PITPNM2: variants seen among roughly 807,000 people sequenced by gnomAD.
The protein encoded by PITPNM2 is membrane-associated phosphatidylinositol transfer protein 2.
In PITPNM2, 35 loss-of-function variants were observed where a neutral mutation model predicts 132.2. That is an observed-to-expected ratio of 0.26 (90% CI 0.20 to 0.35). PITPNM2 has a LOEUF of 0.35. PITPNM2 is among the 10% of genes least tolerant of loss of function. The pLI is 1.00. For missense variants in PITPNM2, 1,332 were observed against 1,912.0 expected, an observed-to-expected ratio of 0.70 and a Z score of 5.66; for synonymous variants, 738 against 799.2, an observed-to-expected ratio of 0.92 and a Z score of 1.29.
chr12:123,008,308 A>G lies in PITPNM2; in HGVS notation c.643+1542T>C, dbSNP rs1338796129. ...CCAGAGTGCCAGGAGCTGCAGCCTT[A>G]GTAGGTCTGCTGGGTGTCCTGTGCA... is the stretch of plus-strand genomic sequence containing the variant. On this transcript the variant is annotated intron_variant, in intron 6 of 25. Transcript: ENST00000320201. This position sits in a 1 kb window ranked among gnomAD's most constrained non-coding sequence, Gnocchi z 4.1. Among the ~76,000 whole-genome samples the G allele has an allele frequency of 6.6e-6, 1 of 152,178 alleles. No individual in the cohort carries two copies. Among genetic ancestry groups the G allele is most frequent in the Non-Finnish European group, 1.5e-5 (1 of 68,024 alleles).
At position 123,012,748 on chromosome 12, in the gene PITPNM2, A is replaced by G. The variant is rs779759575; in HGVS notation, c.294-14T>C. The G allele has an allele frequency of 1.2e-6, 2 of 1,613,560 alleles. No homozygotes were observed. The highest frequency in any genetic ancestry group is 1.7e-6 in the Non-Finnish European group (2 of 1,179,622). The stretch of plus-strand genomic sequence containing the variant: ...GGACAGGTGAACCTGTGCGGAAAGG[A>G]AAGCACTCATCAGGACCTGTCCTTG... On this transcript the variant is annotated splice_polypyrimidine_tract_variant and intron_variant, in intron 4 of 25. Transcript: ENST00000320201.
Position 123,058,064 on chromosome 12 carries a change from C to A in PITPNM2, c.-95-23379G>T, listed in dbSNP as rs527729572. Among the ~76,000 whole-genome samples, 4 of 152,354 alleles carry A rather than the reference C, an allele frequency of 2.6e-5. No homozygotes were observed. The highest frequency in any genetic ancestry group is 9.6e-5 in the African/African-American group (4 of 41,580). ...AGCAAAAAACAAACTATGCCTTCATCCCCTGACCTTTTACTCTTCAAAGTA... is the reference window on the plus strand; with the variant it reads ...AGCAAAAAACAAACTATGCCTTCATACCCTGACCTTTTACTCTTCAAAGTA... On this transcript the variant is annotated intron_variant, in intron 2 of 25. Transcript: ENST00000320201. The surrounding 1 kb of genome is among the most constrained non-coding windows in gnomAD (Gnocchi z 4.0).
rs2038599169 is a variant in PITPNM2 at position 123,000,212 on chromosome 12, C to T, written c.1224+566G>A. 2 of 596,724 alleles carry T rather than the reference C, an allele frequency of 3.4e-6. No homozygotes were observed. Among genetic ancestry groups the T allele is most frequent in the East Asian group, 5.5e-5 (2 of 36,102 alleles). 37.0% of individuals were successfully genotyped at this position (596,724 alleles called of 1,614,324 possible). On this transcript the variant is annotated intron_variant, in intron 10 of 25. Coordinates refer to ENST00000320201, the MANE Select transcript of PITPNM2 (RefSeq NM_020845.3). This position sits in a 1 kb window ranked among gnomAD's most constrained non-coding sequence, Gnocchi z 5.4. ...GGGACAGCCCAGCTCAGCCCTGGCT[C>T]CTGTCCCAGTGCAAACAGCTCTGAC...
chr12:123,064,291 G>C lies in PITPNM2; in HGVS notation c.-95-29606C>G, dbSNP rs893582131. On this transcript the variant is annotated intron_variant, in intron 2 of 25. Coordinates refer to ENST00000320201, the MANE Select transcript of PITPNM2 (RefSeq NM_020845.3). The surrounding 1 kb of genome is among the most constrained non-coding windows in gnomAD (Gnocchi z 4.0). ...GGACTTGGTCAAGGTCATCGGGCAA[G>C]TCAGTAGCAGGGAAGGGATGAGAAC... is the stretch of plus-strand genomic sequence containing the variant. Among the ~76,000 whole-genome samples, 2 of 152,218 alleles carry C rather than the reference G, an allele frequency of 1.3e-5. No individual in the cohort carries two copies. Among genetic ancestry groups the C allele is most frequent in the Admixed American group, 6.5e-5 (1 of 15,284 alleles).
intron 2 of PITPNM2, among the ~76,000 whole-genome samples, chr12:123,085,850 G>C (rs1277537432): frequency 4.6e-5 from 7 of 152,190 alleles, no homozygotes; most frequent in African/African-American, 1.7e-4. Flanking sequence ...GGCCTGTCTT[G>C]TCATGTATGA....
At chr12:123,032,197 G>A (rs756678354) in intron 3 of PITPNM2, among the ~76,000 whole-genome samples, 30 of 152,248 alleles carry the variant, frequency 2.0e-4, no homozygotes, top group Non-Finnish European at 4.0e-4. Context: ...ACCCTGAAGT[G>A]GCTGGGCATC....
intron 8 of PITPNM2, among the ~76,000 whole-genome samples, chr12:123,003,282 C>G (rs889948135): frequency 1.3e-5 from 2 of 152,194 alleles, no homozygotes; most frequent in Non-Finnish European, 2.9e-5. Flanking sequence ...TGCCGGCCCC[C>G]CTCCAGTCCT....
chr12:123,140,587 A>G (rs2043484722), intron 1 of PITPNM2, among the ~76,000 whole-genome samples: 1 of 152,072 alleles, frequency 6.6e-6, no homozygotes, highest in Non-Finnish European at 1.5e-5. Context: ...ACCCCCTAAC[A>G]GAAAGGAGGC....
intron 2 of PITPNM2, among the ~76,000 whole-genome samples, chr12:123,049,916 C>T (rs2040803106): frequency 6.6e-6 from 1 of 152,256 alleles, no homozygotes; most frequent in Non-Finnish European, 1.5e-5. Context: ...CAAAAAAACC[C>T]TCTGCAGGCA....
intron 2 of PITPNM2, among the ~76,000 whole-genome samples, chr12:123,053,555 G>A (rs2040928058): frequency 1.3e-5 from 2 of 149,890 alleles, no homozygotes; most frequent in South Asian, 4.2e-4. Flanking sequence ...TCCCCCAATG[G>A]TGACATCTTT....
intron 1 of PITPNM2, among the ~76,000 whole-genome samples, chr12:123,113,710 A>AC (rs1164165513): frequency 7.8e-5 from 6 of 77,332 alleles, no homozygotes; most frequent in East Asian, 3.8e-4. Context: ...AAACCCAACA[A>AC]ACCCCCCCAC....
intron 1 of PITPNM2, among the ~76,000 whole-genome samples, chr12:123,145,214 T>C (rs566676563): frequency 1.1e-3 from 163 of 152,154 alleles, no homozygotes; most frequent in African/African-American, 3.7e-3. Context: ...TGGCCAACAA[T>C]ATGAATCAAA....
In PITPNM2 at chr12:123,052,178, C is replaced by T. The variant is rs145192753; in HGVS notation, c.-95-17493G>A. 7.0e-3 allele frequency among the ~76,000 whole-genome samples: 1,040 copies of T among 149,564 alleles called. 61 individuals are homozygous for T. The East Asian group carries it at 0.13, about 19-fold the overall frequency. Reference sequence around the variant, plus strand: ...CTGACCTCAGATGATCTGCCTGCCTCGACCTCCCAAAGTGCTGGAATTACA... The same window carrying T: ...CTGACCTCAGATGATCTGCCTGCCTTGACCTCCCAAAGTGCTGGAATTACA... On this transcript the variant is annotated intron_variant, in intron 2 of 25. Transcript: ENST00000320201.
chr12:123,001,565 T>G (rs887109897), intron 8 of PITPNM2, among the ~76,000 whole-genome samples: 5 of 152,248 alleles, frequency 3.3e-5, no homozygotes, highest in Non-Finnish European at 5.9e-5. Context: ...CCATACACCA[T>G]GTGGTCTTGT....
At position 122,993,488 on chromosome 12, in the gene PITPNM2, C is replaced by CA. The variant is rs1160269135; in HGVS notation, c.2234-820dup. Among the ~76,000 whole-genome samples, 21 of 152,202 alleles carry CA rather than the reference C, an allele frequency of 1.4e-4. No individual in the cohort carries two copies. The highest frequency in any genetic ancestry group is 5.1e-4 in the African/African-American group (21 of 41,460). On this transcript the variant is annotated intron_variant, in intron 15 of 25. Transcript: ENST00000320201. The surrounding 1 kb of genome is among the most constrained non-coding windows in gnomAD (Gnocchi z 5.2). ...CTTTGCCTTTTCCTCCCATTTAACA[C>CA]AAAAAATGTTGGCGTCTTTCATGTC... is the stretch of plus-strand genomic sequence containing the variant.
intron 2 of PITPNM2, among the ~76,000 whole-genome samples, chr12:123,047,527 C>T (rs2040701107): frequency 6.6e-6 from 1 of 152,162 alleles, no homozygotes; most frequent in Non-Finnish European, 1.5e-5. Flanking sequence ...GCCAAAGCTC[C>T]ACAGTCTGGC....
chr12:123,127,539 C>T (rs768745073), intron 1 of PITPNM2, among the ~76,000 whole-genome samples: 29 of 151,970 alleles, frequency 1.9e-4, no homozygotes, highest in Admixed American at 1.2e-3. Flanking sequence ...CCTAAGACAA[C>T]GGCTGTATCC....
At chr12:123,001,203 G>A (rs1399884018) in intron 8 of PITPNM2, 45 bp from the exon 9 acceptor site, 1 of 1,532,906 alleles carries the variant, frequency 6.5e-7, no homozygotes, top group Non-Finnish European at 9.0e-7. Flanking sequence ...GGAACGCTGG[G>A]GAAGCCTGGC....
intron 2 of PITPNM2, among the ~76,000 whole-genome samples, chr12:123,045,808 T>A (rs749330748): frequency 6.6e-6 from 1 of 152,196 alleles, no homozygotes; most frequent in Non-Finnish European, 1.5e-5. Context: ...GTAGCCAGTG[T>A]CAGTAGCCAG....
Sources: gnomAD v4.1 joint callset for allele counts (sites outside exome capture counted in the v4.1 genomes callset) on GRCh38, gnomAD v4.1.1 for gene constraint, Gnocchi (gnomAD v3.1) non-coding constraint, MANE v1.5 for transcripts, NCBI Gene and HGNC (gene_info 2026-07-23, HGNC 2026-07-21) for gene names.